Variants in EPHA3 observed in about 807,000 individuals in gnomAD.
EPHA3 encodes the protein ephrin type-A receptor 3.
Under a neutral mutation model 107.1 loss-of-function variants are expected in EPHA3, and 42 were observed. The observed-to-expected ratio is 0.39, with a 90% CI of 0.31 to 0.51. EPHA3 has a LOEUF of 0.51. Ranked by LOEUF, EPHA3 falls within the 20% of genes least tolerant of loss-of-function variation. The pLI, the probability that EPHA3 is intolerant of heterozygous loss-of-function variation, is 0.78. For synonymous variants in EPHA3, 461 were observed against 424.8 expected, an observed-to-expected ratio of 1.09 and a Z score of -1.05; for missense variants, 1,183 against 1,211.2, an observed-to-expected ratio of 0.98 and a Z score of 0.35.
chr3:89,433,219 C>G (rs140009761), intron 13 of EPHA3, among the ~76,000 whole-genome samples: 9 of 152,094 alleles, frequency 5.9e-5, no homozygotes, highest in African/African-American at 2.2e-4. Context: ...TCTCCATATT[C>G]TCATCAGCTA....
chr3:89,222,893 C>G (rs62274657), intron 3 of EPHA3, among the ~76,000 whole-genome samples: 19,066 of 152,130 alleles, frequency 0.13, 1,180 homozygotes, highest in Admixed American at 0.14. Context: ...TCTTAAGTAT[C>G]TGACCTGGTT....
intron 3 of EPHA3, among the ~76,000 whole-genome samples, chr3:89,238,771 A>T (rs189035235): frequency 6.6e-6 from 1 of 152,316 alleles, no homozygotes; most frequent in African/African-American, 2.4e-5. Flanking sequence ...CATTTCCATA[A>T]CTTTAAATGC....
Position 89,160,012 on chromosome 3 carries a change from T to C in EPHA3, c.153+32739T>C, listed in dbSNP as rs527719137. On this transcript the variant is annotated intron_variant, in intron 2 of 16. Transcript: ENST00000336596. ...TTCAAAAATAAAAGAAAAATTATACTAGATTTGGAAATATGACTAAATACT... is the reference window on the plus strand; with the variant it reads ...TTCAAAAATAAAAGAAAAATTATACCAGATTTGGAAATATGACTAAATACT... 4.8e-4 allele frequency among the ~76,000 whole-genome samples: 73 copies of C among 152,172 alleles called. 1 individual carries two copies. The highest frequency in any genetic ancestry group is 1.5e-3 in the African/African-American group (62 of 41,550).
chr3:89,316,974 T>C (rs898891008), intron 3 of EPHA3, among the ~76,000 whole-genome samples: 1 of 151,690 alleles, frequency 6.6e-6, no homozygotes, highest in Non-Finnish European at 1.5e-5. Flanking sequence ...CTTTCTAAGA[T>C]CACTTAGAAA....
chr3:89,170,822 C>T (rs1705195276), intron 2 of EPHA3, among the ~76,000 whole-genome samples: 1 of 151,990 alleles, frequency 6.6e-6, no homozygotes, highest in South Asian at 2.1e-4. Context: ...TGTGAATGCT[C>T]ATTTTGGTTA....
At chr3:89,420,619 A>G (rs538259762) in intron 11 of EPHA3, among the ~76,000 whole-genome samples, 2 of 151,598 alleles carry the variant, frequency 1.3e-5, no homozygotes, top group African/African-American at 2.4e-5. Flanking sequence ...AATGGGCATA[A>G]TTAGTAAGGA....
intron 3 of EPHA3, among the ~76,000 whole-genome samples, chr3:89,293,990 G>A (rs1314478242): frequency 6.6e-6 from 1 of 152,224 alleles, no homozygotes; most frequent in East Asian, 1.9e-4. Context: ...ATGTAATGAA[G>A]TAGTATACTT....
chr3:89,479,527 A>G lies in EPHA3; in HGVS notation c.*25A>G, dbSNP rs572585572. ...AAGCACGGGACGGAAGTGCTTCTGGACGGAAGTGGTGGCTGTGGAAGGCGT... is the reference window on the plus strand; with the variant it reads ...AAGCACGGGACGGAAGTGCTTCTGGGCGGAAGTGGTGGCTGTGGAAGGCGT... On this transcript the variant is annotated 3_prime_UTR_variant, in exon 17 of 17. Transcript: ENST00000336596. 24 of 1,577,278 alleles carry G rather than the reference A, an allele frequency of 1.5e-5. No homozygotes were observed. In the South Asian group the frequency reaches 2.3e-4, roughly 15 times the overall value.
At position 89,320,962 on chromosome 3, in the gene EPHA3, T is replaced by C. The variant is rs1173599648; in HGVS notation, c.815-19954T>C. 2.6e-5 allele frequency among the ~76,000 whole-genome samples: 4 copies of C among 151,996 alleles called. No homozygotes were observed. In the East Asian group the frequency reaches 5.8e-4, roughly 22 times the overall value. On this transcript the variant is annotated intron_variant, in intron 3 of 16. Transcript: ENST00000336596. ...TCACTCCTGTGTGTATAGTAGGTGA[T>C]AGAGGAAGAAATGATGGGCTATGTA...
At chr3:89,208,769 A>AC (rs1263271204) in intron 2 of EPHA3, among the ~76,000 whole-genome samples, 1 of 152,198 alleles carries the variant, frequency 6.6e-6, no homozygotes, top group African/African-American at 2.4e-5. Context: ...AGAAAAATTA[A>AC]CATGTGGTTT....
chr3:89,335,896 C>T (rs1020790725), intron 3 of EPHA3, among the ~76,000 whole-genome samples: 18 of 152,090 alleles, frequency 1.2e-4, no homozygotes, highest in African/African-American at 3.6e-4. Flanking sequence ...TGAGGGAAGA[C>T]GTAAATCAGA....
chr3:89,210,411 G>A lies in EPHA3; in HGVS notation c.705G>A (p.Lys235=), dbSNP rs1312583528. The A allele has an allele frequency of 1.9e-6, 3 of 1,613,658 alleles. No individual in the cohort carries two copies. The highest frequency in any genetic ancestry group is 1.7e-5 in the Admixed American group (1 of 59,940). ...GAGGGTCTTGTGTCAACAATTCTAA[G>A]GAGGAAGATCCTCCAAGGATGTACT... ...EVRGSCVNNS[K]EEDPPRMYCS... Residue 235 remains lysine (K), a synonymous_variant, in exon 3 of 17, where the codon AAG becomes AAA. Coordinates refer to ENST00000336596, the MANE Select transcript of EPHA3 (RefSeq NM_005233.6).
At chr3:89,211,238 A>G (rs1704072563) in intron 3 of EPHA3, among the ~76,000 whole-genome samples, 1 of 152,106 alleles carries the variant, frequency 6.6e-6, no homozygotes, top group Admixed American at 6.6e-5. Flanking sequence ...ATTAATATTT[A>G]TTAAAATCGC....
chr3:89,205,638 G>A (rs1459830555), intron 2 of EPHA3, among the ~76,000 whole-genome samples: 2 of 152,282 alleles, frequency 1.3e-5, no homozygotes, highest in Non-Finnish European at 2.9e-5. Context: ...ATTTTAATGA[G>A]TTAGAGGTTG....
rs530556931 is a variant in EPHA3, at chr3:89,342,064, C to T, written c.1280C>T (p.Ala427Val). Residue 427 changes from alanine (A) to valine (V), a missense_variant, in exon 5 of 17, where the codon GCG becomes GTG. Coordinates refer to ENST00000336596, the MANE Select transcript of EPHA3 (RefSeq NM_005233.6). ...AGCTCCCCACCAAGACAGTTTGCTG[C>T]GGTCAGCATCACAACTAATCAGGCT... ...ELSSPPRQFA[A>V]VSITTNQAAP... The T allele has an allele frequency of 6.2e-6, 10 of 1,610,266 alleles. No homozygotes were observed. The East Asian group carries it at 8.9e-5, about 14-fold the overall frequency.
intron 2 of EPHA3, among the ~76,000 whole-genome samples, chr3:89,172,318 T>C (rs1705229232): frequency 3.3e-5 from 5 of 152,222 alleles, no homozygotes; most frequent in South Asian, 2.1e-4. Flanking sequence ...AGATGTTTAG[T>C]GGCAGCAGCT....
rs534137147 is a variant in EPHA3 at position 89,415,351 on chromosome 3, T to G, written c.1888+2085T>G. On this transcript the variant is annotated intron_variant, in intron 10 of 16. Coordinates refer to ENST00000336596, the MANE Select transcript of EPHA3 (RefSeq NM_005233.6). Reference sequence around the variant, plus strand: ...ATTCTTAATCTTAAAAAAAATATGTTATTTATAAAAATTTAATAATTATTC... The same window carrying G: ...ATTCTTAATCTTAAAAAAAATATGTGATTTATAAAAATTTAATAATTATTC... 1.6e-4 allele frequency among the ~76,000 whole-genome samples: 24 copies of G among 150,320 alleles called. No homozygotes were observed. The South Asian group carries it at 3.9e-3, about 25-fold the overall frequency.
chr3:89,316,467 C>CTG (rs1706901277), intron 3 of EPHA3, among the ~76,000 whole-genome samples: 2 of 139,844 alleles, frequency 1.4e-5, no homozygotes, highest in African/African-American at 5.5e-5. Flanking sequence ...AGAGTATACA[C>CTG]TGTATATATA....
At chr3:89,221,383 TAGAAG>T (rs1438026541) in intron 3 of EPHA3, among the ~76,000 whole-genome samples, 3 of 152,168 alleles carry the variant, frequency 2.0e-5, no homozygotes, top group Non-Finnish European at 4.4e-5. Context: ...GCATTCCCTA[TAGAAG>T]AGCAGAAAAT....
Sources: gnomAD v4.1 joint callset for allele counts (sites outside exome capture counted in the v4.1 genomes callset) on GRCh38, gnomAD v4.1.1 for gene constraint, MANE v1.5 for transcripts, NCBI Gene and HGNC (gene_info 2026-07-23, HGNC 2026-07-21) for gene names.